SERPINB3: variants seen among roughly 807,000 people sequenced by gnomAD.
The protein encoded by SERPINB3 is serpin B3.
In SERPINB3, 33 loss-of-function variants were observed where a neutral mutation model predicts 33.0. That is an observed-to-expected ratio of 1.00 (90% confidence interval 0.76 to 1.34). The LOEUF (loss-of-function observed/expected upper bound fraction) is 1.34. Among genes scored for constraint, SERPINB3 ranks in the 40% most tolerant of loss-of-function variants. SERPINB3 has a pLI of 0.00. For missense variants in SERPINB3, 518 were observed against 461.5 expected, an observed-to-expected ratio of 1.12 and a Z score of -1.12; for synonymous variants, 200 against 170.9, an observed-to-expected ratio of 1.17 and a Z score of -1.33.
intron 5 of SERPINB3, among the ~76,000 whole-genome samples, chr18:63,657,873 G>T (rs1340384022): frequency 2.0e-5 from 3 of 150,624 alleles, no homozygotes; most frequent in Non-Finnish European, 2.9e-5. Flanking sequence ...TGAAACGCAT[G>T]TCCTGTGCTG....
Position 63,658,587 on chromosome 18 carries a change from T to C in SERPINB3, c.395A>G (p.Glu132Gly). Reference sequence around the variant, plus strand: ...TGGAGCATTTGCAAAATCAACAGATTCCACACTGGTCTGGTAAAATTTCTT... The same window carrying C: ...TGGAGCATTTGCAAAATCAACAGATCCCACACTGGTCTGGTAAAATTTCTT... Reference protein sequence around the residue: ...AIKKFYQTSVESVDFANAPEE... With the variant: ...AIKKFYQTSVGSVDFANAPEE... The change falls in exon 5 of 8, where the codon GAA becomes GGA. Residue 132 changes from glutamate (E) to glycine (G), a missense_variant. By Grantham distance (98) the Glu-to-Gly change is moderately conservative. Coordinates refer to ENST00000283752, the MANE Select transcript of SERPINB3 (RefSeq NM_006919.3). 2 of 1,613,122 alleles carry C rather than the reference T, an allele frequency of 1.2e-6. No homozygotes were observed. The highest frequency in any genetic ancestry group is 2.7e-5 in the African/African-American group (2 of 74,998).
intron 5 of SERPINB3, 29 bp from the exon 6 acceptor site, chr18:63,657,441 T>C (rs748838938): frequency 1.2e-5 from 18 of 1,545,002 alleles, no homozygotes; most frequent in Middle Eastern, 1.7e-4. Context: ...AAGAGTCTTT[T>C]ACACAAGCTA....
intron 4 of SERPINB3, among the ~76,000 whole-genome samples, chr18:63,659,009 A>C (rs1380075408): frequency 6.6e-6 from 1 of 152,092 alleles, no homozygotes; most frequent in Non-Finnish European, 1.5e-5. Context: ...ATTTCCTGGT[A>C]CTTCCTCAAC....
intron 5 of SERPINB3, among the ~76,000 whole-genome samples, chr18:63,658,277 T>C (rs1913549867): frequency 1.3e-5 from 2 of 152,154 alleles, no homozygotes; most frequent in Non-Finnish European, 2.9e-5. Flanking sequence ...TCCAGGAACA[T>C]GAGCAAAGAA....
intron 3 of SERPINB3, among the ~76,000 whole-genome samples, chr18:63,660,428 C>T (rs1913610875): frequency 6.6e-6 from 1 of 152,016 alleles, no homozygotes; most frequent in Non-Finnish European, 1.5e-5. Context: ...ATGTTGTAAA[C>T]ATTTGCATGT....
At position 63,655,648 on chromosome 18, in the gene SERPINB3, T is replaced by A. The variant is rs1344324084; in HGVS notation, c.*9A>T. ...ACATTTTCCAAATGGAGTGACAGAC[T>A]AATTGCATCTACGGGGATGAGAATC... On this transcript the variant is annotated 3_prime_UTR_variant, in exon 8 of 8. Coordinates refer to ENST00000283752, the MANE Select transcript of SERPINB3 (RefSeq NM_006919.3). The A allele has an allele frequency of 6.3e-7, 1 of 1,591,076 alleles. No individual in the cohort carries two copies. Among genetic ancestry groups the A allele is most frequent in the Admixed American group, 1.7e-5 (1 of 58,602 alleles).
At chr18:63,657,548 G>A (rs1428213062) in intron 5 of SERPINB3, 136 bp from the exon 6 acceptor site, 1 of 700,686 alleles carries the variant, frequency 1.4e-6, no homozygotes, top group Non-Finnish European at 2.2e-6. Flanking sequence ...TTTGATCTTT[G>A]AATTGTTAGA....
Position 63,656,043 on chromosome 18 carries a change from C to A in SERPINB3, c.787G>T (p.Ala263Ser), listed in dbSNP as rs1252800069. 10 of 1,613,510 alleles carry A rather than the reference C, an allele frequency of 6.2e-6. No homozygotes were observed. The highest frequency in any genetic ancestry group is 7.6e-6 in the Non-Finnish European group (9 of 1,179,662). ...CTTGTCCATTCCATCAATTTCTCAGCAGTGAGTTTCTCTTCAAGCTATACA... is the reference window on the plus strand; with the variant it reads ...CTTGTCCATTCCATCAATTTCTCAGAAGTGAGTTTCTCTTCAAGCTATACA... ...GLQKLEEKLT[A>S]EKLMEWTSLQ... The change falls in exon 8 of 8, where the codon GCT becomes TCT. Residue 263 changes from alanine to serine, a missense_variant. Transcript: ENST00000283752.
chr18:63,657,050 T>A, intron 6 of SERPINB3, 64 bp from the exon 7 acceptor site: 1 of 1,401,274 alleles, frequency 7.1e-7, no homozygotes. Context: ...ATAATATTAT[T>A]GAGATATCAA....
Position 63,659,484 on chromosome 18 carries a change from A to G in SERPINB3, c.266T>C (p.Leu89Pro), listed in dbSNP as rs753040540. The change falls in exon 4 of 8, where the codon CTG becomes CCG. Residue 89 changes from leucine to proline, a missense_variant. Coordinates refer to ENST00000283752, the MANE Select transcript of SERPINB3 (RefSeq NM_006919.3). ...GNVHHQFQKL[L>P]TEFNKSTDAY... Reference sequence around the variant, plus strand: ...ATCAGTGGATTTGTTGAATTCAGTCAGAAGCTTTTGAAACTGGTGATGAAC... The same window carrying G: ...ATCAGTGGATTTGTTGAATTCAGTCGGAAGCTTTTGAAACTGGTGATGAAC... 3.1e-6 allele frequency: 5 copies of G among 1,613,648 alleles called. No individual in the cohort carries two copies. Among genetic ancestry groups the G allele is most frequent in the Non-Finnish European group, 3.4e-6 (4 of 1,179,696 alleles).
rs1913580624 is a variant in SERPINB3 at position 63,659,372 on chromosome 18, A to G, written c.351+27T>C. On this transcript the variant is annotated intron_variant, in intron 4 of 7. Coordinates refer to ENST00000283752, the MANE Select transcript of SERPINB3 (RefSeq NM_006919.3). ...AGACACAGACATCAGGATGCAAATG[A>G]AATGTGGGTAGGCCAGGTGAAATTA... The G allele has an allele frequency of 2.6e-6, 4 of 1,550,640 alleles. No homozygotes were observed. The East Asian group carries it at 9.4e-5, about 36-fold the overall frequency.
chr18:63,656,735 A>T (rs1913506146), intron 7 of SERPINB3, 96 bp downstream of exon 7: 1 of 1,393,918 alleles, frequency 7.2e-7, no homozygotes, highest in Non-Finnish European at 9.6e-7. Flanking sequence ...CATTATTTTG[A>T]GGCAACTCGG....
rs538818294 is a variant in SERPINB3 at position 63,660,082 on chromosome 18, C to T, written c.223-555G>A. Among the ~76,000 whole-genome samples, 207 of 152,178 alleles carry T rather than the reference C, an allele frequency of 1.4e-3. 2 individuals are homozygous for T. Among genetic ancestry groups the T allele is most frequent in the Middle Eastern group, 3.4e-3 (1 of 294 alleles). ...GGACTTTACATGGGTAACTTTAAGT[C>T]TTTAGTTCAATTCAGGTGAAAACAA... On this transcript the variant is annotated intron_variant, in intron 3 of 7. Transcript: ENST00000283752.
In SERPINB3 at chr18:63,656,998, C is replaced by T. The variant is rs767959004; in HGVS notation, c.613-12G>A. On this transcript the variant is annotated splice_polypyrimidine_tract_variant and intron_variant, in intron 6 of 7. Coordinates refer to ENST00000283752, the MANE Select transcript of SERPINB3 (RefSeq NM_006919.3). ...GACTTGTATGTATTCTACAATAAAT[C>T]AATGTGTCCAACAAATACCAAGTGA... is the stretch of plus-strand genomic sequence containing the variant. 1 of 1,591,044 alleles carries T rather than the reference C, an allele frequency of 6.3e-7. No homozygotes were observed. The highest frequency in any genetic ancestry group is 1.3e-5 in the African/African-American group (1 of 74,500).
intron 5 of SERPINB3, among the ~76,000 whole-genome samples, 191 bp downstream of exon 5, chr18:63,658,322 G>T (rs1349142807): frequency 6.6e-6 from 1 of 152,086 alleles, no homozygotes; most frequent in Non-Finnish European, 1.5e-5. Flanking sequence ...TTGGCTTCCT[G>T]TGATTTCCTC....
intron 1 of SERPINB3, 78 bp downstream of exon 1, chr18:63,661,768 C>A: frequency 6.5e-6 from 1 of 154,308 alleles, no homozygotes; most frequent in Non-Finnish European, 1.4e-5. Context: ...GCAGGAGATG[C>A]ATGATATAGA....
In SERPINB3 at chr18:63,656,046, TGA is replaced by T. The variant is rs1367873260; in HGVS notation, c.782_783del (p.Leu261HisfsTer3). 1.2e-6 allele frequency: 2 copies of T among 1,613,554 alleles called. No homozygotes were observed. Among genetic ancestry groups the T allele is most frequent in the Non-Finnish European group, 1.7e-6 (2 of 1,179,666 alleles). On this transcript the variant is annotated frameshift_variant, in exon 8 of 8. Coordinates refer to ENST00000283752, the MANE Select transcript of SERPINB3 (RefSeq NM_006919.3). LOFTEE classifies it low-confidence loss of function (END_TRUNC). ...GTCCATTCCATCAATTTCTCAGCAG[TGA>T]GTTTCTCTTCAAGCTATACAAATGG... ...IDGLQKLEEKLTAEKLMEWTS... is the reference protein window; with the variant it reads ...IDGLQKLEEKXTAEKLMEWTS...
At chr18:63,660,944 A>G in intron 2 of SERPINB3, 88 bp from the exon 3 acceptor site, 1 of 1,611,260 alleles carries the variant, frequency 6.2e-7, no homozygotes, top group African/African-American at 1.3e-5. Context: ...ATTCCTGCTC[A>G]GCCCCCTGTG....
intron 3 of SERPINB3, 65 bp downstream of exon 3, chr18:63,660,735 G>C (rs1304091830): frequency 1.9e-6 from 3 of 1,605,300 alleles, no homozygotes; most frequent in Non-Finnish European, 2.6e-6. Flanking sequence ...TTTCTGTGAA[G>C]TTCCAGGTTC....
Sources: gnomAD v4.1 joint callset for allele counts (sites outside exome capture counted in the v4.1 genomes callset) on GRCh38, gnomAD v4.1.1 for gene constraint, MANE v1.5 for transcripts, NCBI Gene and HGNC (gene_info 2026-07-23, HGNC 2026-07-21) for gene names.